LINGO2: variants seen among roughly 807,000 people sequenced by gnomAD.
The protein encoded by LINGO2 is leucine rich repeat and Ig domain containing 2, also known as leucine-rich repeat and immunoglobulin-like domain-containing nogo receptor-interacting protein 2.
In LINGO2, 14 loss-of-function variants were observed where a neutral mutation model predicts 30.6. The observed-to-expected ratio is 0.46, with a 90% CI of 0.30 to 0.72. LINGO2 has a LOEUF of 0.72. LINGO2 is among the 30% of genes least tolerant of loss of function. LINGO2 has a pLI of 0.07. For synonymous variants in LINGO2, 317 were observed against 288.5 expected, an observed-to-expected ratio of 1.10 and a Z score of -1.00; for missense variants, 729 against 751.7, an observed-to-expected ratio of 0.97 and a Z score of 0.35.
chr9:29,058,626 T>A, the LINGO2 span, among the ~76,000 whole-genome samples: 2 of 150,908 alleles, frequency 1.3e-5, 1 homozygote, highest in South Asian at 4.2e-4. Context: ...ACAACAAGGA[T>A]CAAGATACAG....
chr9:28,757,297 T>C, the LINGO2 span, among the ~76,000 whole-genome samples: 1 of 152,034 alleles, frequency 6.6e-6, no homozygotes, highest in South Asian at 2.1e-4. Flanking sequence ...TTTCTTTAAT[T>C]TCATTTTCAG....
At chr9:28,726,041 CAT>C in the LINGO2 span, among the ~76,000 whole-genome samples, 1 of 152,080 alleles carries the variant, frequency 6.6e-6, no homozygotes, top group African/African-American at 2.4e-5. Flanking sequence ...ATTCTAGTTT[CAT>C]ATGTTACATG....
chr9:28,688,642 A>G, the LINGO2 span, among the ~76,000 whole-genome samples: 8 of 152,168 alleles, frequency 5.3e-5, no homozygotes, highest in Non-Finnish European at 1.5e-5. Flanking sequence ...CGTTTAAACA[A>G]CAAGAACTAA....
chr9:28,354,133 C>G (rs1336967697), intron 3 of LINGO2, among the ~76,000 whole-genome samples: 1 of 151,560 alleles, frequency 6.6e-6, no homozygotes, highest in East Asian at 1.9e-4. Context: ...GCACATGTAC[C>G]CTAAAACTTA....
chr9:28,456,231 A>G (rs1317453368), intron 2 of LINGO2, among the ~76,000 whole-genome samples: 2 of 152,170 alleles, frequency 1.3e-5, no homozygotes, highest in African/African-American at 4.8e-5. Context: ...GACTTGTTGA[A>G]GTCAATGCTG....
chr9:28,092,473 A>G (rs1166151589), intron 4 of LINGO2, among the ~76,000 whole-genome samples: 1 of 149,482 alleles, frequency 6.7e-6, no homozygotes, highest in Non-Finnish European at 1.5e-5. Context: ...GCATGTTCTC[A>G]CTCATAGGTG....
intron 4 of LINGO2, among the ~76,000 whole-genome samples, chr9:28,291,534 G>T (rs1167631246): frequency 6.6e-6 from 1 of 152,098 alleles, no homozygotes; most frequent in East Asian, 1.9e-4. Context: ...TTTTTTAAAA[G>T]AACCAAATGG....
At chr9:28,568,142 C>T (rs550936697) in intron 1 of LINGO2, among the ~76,000 whole-genome samples, 46 of 152,220 alleles carry the variant, frequency 3.0e-4, no homozygotes, top group Non-Finnish European at 5.1e-4. Context: ...CCATGGATGA[C>T]AGTACCTTTG....
intron 4 of LINGO2, among the ~76,000 whole-genome samples, chr9:28,282,190 A>G (rs150833102): frequency 6.6e-6 from 1 of 152,278 alleles, no homozygotes; most frequent in Non-Finnish European, 1.5e-5. Flanking sequence ...TATTTCCAGG[A>G]TACAAATCTT....
intron 1 of LINGO2, among the ~76,000 whole-genome samples, chr9:28,597,930 A>G (rs1192772033): frequency 2.6e-5 from 4 of 151,860 alleles, no homozygotes; most frequent in Non-Finnish European, 5.9e-5. Context: ...ATGCCCAGCT[A>G]ATTTTTGTAT....
At chr9:28,552,250 C>T (rs529239346) in intron 1 of LINGO2, among the ~76,000 whole-genome samples, 2 of 152,096 alleles carry the variant, frequency 1.3e-5, no homozygotes, top group Admixed American at 6.6e-5. Flanking sequence ...TTCCCTCTAC[C>T]TTTCTTCTAG....
intron 1 of LINGO2, among the ~76,000 whole-genome samples, chr9:28,533,589 G>C (rs975838127): frequency 6.6e-6 from 1 of 152,266 alleles, no homozygotes; most frequent in South Asian, 2.1e-4. Flanking sequence ...TTGATGAATC[G>C]CAATAGGTGT....
chr9:28,839,688 G>C, the LINGO2 span, among the ~76,000 whole-genome samples: 1 of 152,084 alleles, frequency 6.6e-6, no homozygotes, highest in Non-Finnish European at 1.5e-5. Flanking sequence ...TTGGCCCATG[G>C]GCAGCCATGG....
chr9:28,518,139 G>C (rs117036820), intron 1 of LINGO2, among the ~76,000 whole-genome samples: 1 of 151,986 alleles, frequency 6.6e-6, no homozygotes, highest in African/African-American at 2.4e-5. Flanking sequence ...TTACAACTTG[G>C]AGAGGACTCA....
chr9:28,221,152 A>G (rs1255682673), intron 4 of LINGO2, among the ~76,000 whole-genome samples: 2 of 151,930 alleles, frequency 1.3e-5, no homozygotes, highest in Non-Finnish European at 2.9e-5. Flanking sequence ...AGAAAAAATT[A>G]GCCGGGCGTG....
At chr9:28,734,595 A>G in the LINGO2 span, among the ~76,000 whole-genome samples, 16 of 152,260 alleles carry the variant, frequency 1.1e-4, no homozygotes, top group South Asian at 1.9e-3. Flanking sequence ...CAGCTCAAAT[A>G]TAAATATAAA....
intron 5 of LINGO2, among the ~76,000 whole-genome samples, chr9:28,011,303 A>C (rs141883628): frequency 6.6e-6 from 1 of 152,160 alleles, no homozygotes; most frequent in Non-Finnish European, 1.5e-5. Context: ...ATTCCTTCAC[A>C]GGTTGTTTTA....
intron 4 of LINGO2, among the ~76,000 whole-genome samples, chr9:28,020,207 G>C (rs7874135): frequency 0.14 from 21,843 of 152,174 alleles, 1,714 homozygotes; most frequent in South Asian, 0.22. Flanking sequence ...CAGGAGCACT[G>C]AGAGCACAGC....
chr9:28,092,311 G>T (rs1315332186), intron 4 of LINGO2, among the ~76,000 whole-genome samples: 1 of 152,070 alleles, frequency 6.6e-6, no homozygotes, highest in Non-Finnish European at 1.5e-5. Flanking sequence ...GTCCATCAAT[G>T]ATAGACTGGA....
Sources: gnomAD v4.1 joint callset for allele counts (sites outside exome capture counted in the v4.1 genomes callset) on GRCh38, gnomAD v4.1.1 for gene constraint, MANE v1.5 for transcripts, NCBI Gene and HGNC (gene_info 2026-07-23, HGNC 2026-07-21) for gene names.